The following ANKRD26 variants were observed in gnomAD, a reference collection of about 807,000 sequenced individuals.
The protein encoded by ANKRD26 is ankyrin repeat domain-containing protein 26.
Under a neutral mutation model 208.7 loss-of-function variants are expected in ANKRD26, and 141 were observed. The observed-to-expected ratio is 0.68, with a 90% confidence interval of 0.59 to 0.78. The LOEUF is 0.78. Among genes scored for constraint, ANKRD26 ranks in the 30% least tolerant of loss-of-function variants. The probability of loss-of-function intolerance (pLI) is 0.00; values close to 1 mark genes in which losing one functional copy is unlikely to be tolerated. For synonymous variants in ANKRD26, 636 were observed against 660.4 expected (o/e 0.96, Z 0.57); for missense variants, 1,889 against 1,938.7 (o/e 0.97, Z 0.48).
intron 5 of ANKRD26, among the ~76,000 whole-genome samples, chr10:27,086,085 T>G (rs560191148): frequency 2.1e-3 from 317 of 152,272 alleles, no homozygotes; most frequent in African/African-American, 7.4e-3. Flanking sequence ...GATTTTCAGC[T>G]GCACAGGGAT....
At chr10:27,014,835 G>T in intron 30 of ANKRD26, 124 bp from the exon 31 acceptor site, 1 of 745,680 alleles carries the variant, frequency 1.3e-6, no homozygotes. Context: ...AGATCTCTGT[G>T]CCAGCAGGCA....
rs992629814 is a variant in ANKRD26 at position 27,030,475 on chromosome 10, C to T, written c.3808-1119G>A. On this transcript the variant is annotated intron_variant, in intron 25 of 33. Transcript: ENST00000376087. Reference sequence around the variant, plus strand: ...AAATCAAGTCATTTGCAACAACTGTCTATGCTGAGCTGCTTTAGCGAGCAC... The same window carrying T: ...AAATCAAGTCATTTGCAACAACTGTTTATGCTGAGCTGCTTTAGCGAGCAC... The T allele has an allele frequency of 8.1e-6, 8 of 985,290 alleles. No homozygotes were observed. In the South Asian group the frequency reaches 3.8e-4, roughly 46 times the overall value. The allele number at this position is 985,290 out of a possible 1,614,324, so 61.0% of individuals were successfully genotyped here.
chr10:26,979,911 A>G (rs571265515), intron 5 of ANKRD26, among the ~76,000 whole-genome samples: 3 of 140,882 alleles, frequency 2.1e-5, no homozygotes, highest in Non-Finnish European at 3.1e-5. Flanking sequence ...CTATAAATGC[A>G]TAACTCTGGC....
intron 4 of ANKRD26, among the ~76,000 whole-genome samples, 159 bp from the exon 5 acceptor site, chr10:27,086,768 G>GTTTTTTTTTTTTT (rs36035101): frequency 3.1e-5 from 3 of 97,016 alleles, no homozygotes; most frequent in African/African-American, 7.6e-5. Context: ...AAACTTTTTT[G>GTTTTTTTTTTTTT]TTTTTTTTTT....
In ANKRD26 at chr10:27,029,161, T is replaced by C. The variant is rs1165242063; in HGVS notation, c.3878+125A>G. 15 of 1,234,542 alleles carry C rather than the reference T, an allele frequency of 1.2e-5. No homozygotes were observed. The East Asian group carries it at 2.5e-4, about 21-fold the overall frequency. 76.5% of individuals were successfully genotyped at this position (1,234,542 alleles called of 1,614,324 possible). A position where few individuals can be genotyped will look rare whatever the true frequency, so the allele number is the denominator to read the frequency against. ...AAATCCGCATTTCAAAATTGCTTAA[T>C]GCTGAAATTTTTCCTTGACTTCACA... On this transcript the variant is annotated intron_variant, in intron 26 of 33. Transcript: ENST00000376087.
intron 11 of ANKRD26, among the ~76,000 whole-genome samples, chr10:27,064,708 T>C (rs973963202): frequency 6.6e-6 from 1 of 152,138 alleles, no homozygotes; most frequent in African/African-American, 2.4e-5. Context: ...CTTTTACTGA[T>C]AGGAAAATGG....
chr10:27,044,052 C>A (rs758795241), intron 19 of ANKRD26, 105 bp downstream of exon 19: 1 of 872,584 alleles, frequency 1.1e-6, no homozygotes, highest in Non-Finnish European at 1.6e-6. Flanking sequence ...CTTTAGCCTT[C>A]CAAAGTGCTG....
chr10:27,070,369 C>T (rs1411721073), intron 9 of ANKRD26, among the ~76,000 whole-genome samples: 4 of 152,166 alleles, frequency 2.6e-5, no homozygotes, highest in Non-Finnish European at 4.4e-5. Context: ...CACTGCACTC[C>T]AGCCTAGGCG....
chr10:27,015,513 C>T (rs1399970874), intron 30 of ANKRD26, among the ~76,000 whole-genome samples: 2 of 152,226 alleles, frequency 1.3e-5, no homozygotes, highest in Non-Finnish European at 2.9e-5. Context: ...TTCCTATTCT[C>T]ATTCCATGTC....
chr10:27,017,540 T>C lies in ANKRD26; in HGVS notation c.4468A>G (p.Ile1490Val). The stretch of plus-strand genomic sequence containing the variant: ...TTGACTTCTTTTAATTTTTCTGCTA[T>C]TTCCTGTCTTGCTCTTTCTTCAATC... ...QEIEERARQE[I>V]AEKLKEVNLF... The change falls in exon 30 of 34, where the codon ATA becomes GTA. Residue 1490 changes from isoleucine (I) to valine (V), a missense_variant. By Grantham distance (29) the Ile-to-Val change is conservative. Transcript: ENST00000376087. 1 of 1,613,710 alleles carries C rather than the reference T, an allele frequency of 6.2e-7. No homozygotes were observed. The highest frequency in any genetic ancestry group is 1.1e-5 in the South Asian group (1 of 91,072).
rs138469912 is a variant in ANKRD26, at chr10:26,993,009, C to A, written c.*30-1004G>T. ...CTTCATTGTTTAGCAAAGAGATACT[C>A]ATGTGTCTATCATTTAGGACCTTTT... On this transcript the variant is annotated intron_variant, in intron 5 of 5. Coordinates refer to the ANKRD26 transcript ENST00000445828. Among the ~76,000 whole-genome samples the A allele has an allele frequency of 5.5e-3, 845 of 152,288 alleles. 9 individuals carry two copies. The highest frequency in any genetic ancestry group is 0.02 in the African/African-American group (815 of 41,558).
At chr10:27,051,241 A>G in intron 16 of ANKRD26, 1 of 1,289,762 alleles carries the variant, frequency 7.8e-7, no homozygotes, top group South Asian at 1.2e-5. Context: ...ATGCTTTTAT[A>G]GTTATTAGCA....
intron 15 of ANKRD26, among the ~76,000 whole-genome samples, chr10:27,054,325 C>T (rs1291030500): frequency 6.6e-6 from 1 of 152,134 alleles, no homozygotes; most frequent in East Asian, 1.9e-4. Context: ...TGGCTCACAT[C>T]TGTAATCCCA....
At chr10:27,008,798 C>T (rs551625835) in intron 32 of ANKRD26, among the ~76,000 whole-genome samples, 161 of 152,166 alleles carry the variant, frequency 1.1e-3, no homozygotes, top group African/African-American at 3.7e-3. Context: ...GGAGTGGCCT[C>T]CCGCTACATA....
chr10:26,971,509 G>A (rs1253115736), downstream of ANKRD26, among the ~76,000 whole-genome samples: 1 of 151,102 alleles, frequency 6.6e-6, no homozygotes, highest in African/African-American at 2.4e-5. Flanking sequence ...ACCCCATCTC[G>A]ACTAAAAATA....
At chr10:27,059,786 C>T (rs781080323) in intron 15 of ANKRD26, among the ~76,000 whole-genome samples, 5 of 150,778 alleles carry the variant, frequency 3.3e-5, no homozygotes, top group East Asian at 1.9e-4. Flanking sequence ...GGTGTGTGCC[C>T]GGGGAGCTTG....
Position 26,974,635 on chromosome 10 carries a change from C to T in ANKRD26, c.*1689G>A, listed in dbSNP as rs544949340. Among the ~76,000 whole-genome samples the T allele has an allele frequency of 1.5e-4, 23 of 152,292 alleles. No individual in the cohort carries two copies. In the South Asian group the frequency reaches 4.1e-3, roughly 27 times the overall value. ...GATTACAGGCGGGAGCCACCGTGCC[C>T]GGCCTACCTCTGCATGTTTATCCTC... is the stretch of plus-strand genomic sequence containing the variant. On this transcript the variant is annotated 3_prime_UTR_variant and NMD_transcript_variant, in exon 6 of 6. Coordinates refer to the ANKRD26 transcript ENST00000674670.
At chr10:26,971,675 C>CAAAAAAAAAAAAAAA (rs1170237211), downstream of ANKRD26, among the ~76,000 whole-genome samples, 1 of 89,454 alleles carries the variant, frequency 1.1e-5, no homozygotes, top group African/African-American at 3.8e-5. Flanking sequence ...GACCATGTCT[C>CAAAAAAAAAAAAAAA]AAAAAAAAAA....
the ANKRD26 span, among the ~76,000 whole-genome samples, chr10:26,950,878 AT>A: frequency 6.6e-6 from 1 of 151,774 alleles, no homozygotes; most frequent in Non-Finnish European, 1.5e-5. Context: ...TTCAGAATTG[AT>A]TTATTTGTCA....
Sources: gnomAD v4.1 joint callset for allele counts (sites outside exome capture counted in the v4.1 genomes callset) on GRCh38, gnomAD v4.1.1 for gene constraint, MANE v1.5 for transcripts, NCBI Gene and HGNC (gene_info 2026-07-23, HGNC 2026-07-21) for gene names.